The following CFAP47 variants were observed in gnomAD, a reference collection of about 807,000 sequenced individuals.
CFAP47 encodes cilia and flagella associated protein 47.
Under a neutral mutation model 148.1 loss-of-function variants are expected in CFAP47, and 29 were observed. The observed-to-expected ratio is 0.20, with a 90% CI of 0.15 to 0.27. The LOEUF (loss-of-function observed/expected upper bound fraction) is 0.27, where lower values mean the gene tolerates loss of function less well. Among genes scored for constraint, CFAP47 ranks in the 10% least tolerant of loss-of-function variants. The probability of loss-of-function intolerance (pLI) is 1.00; values close to 1 mark genes in which losing one functional copy is unlikely to be tolerated. For synonymous variants in CFAP47, 664 were observed against 577.3 expected, an observed-to-expected ratio of 1.15 and a Z score of -2.15; for missense variants, 1,872 against 1,697.5, an observed-to-expected ratio of 1.10 and a Z score of -1.81.
At chrX:36,061,503 G>A (rs1324039339) in intron 26 of CFAP47, among the ~76,000 whole-genome samples, 1 of 111,763 alleles carries the variant, frequency 8.9e-6, no homozygotes, top group Non-Finnish European at 1.9e-5. Flanking sequence ...AGAGCACCAG[G>A]ATTAAAATTC....
intron 14 of CFAP47, 114 bp from the exon 15 acceptor site, chrX:35,975,558 C>T (rs779867582): frequency 1.0e-5 from 8 of 779,678 alleles, no homozygotes; most frequent in South Asian, 7.8e-5. Flanking sequence ...TAAAGTATTA[C>T]GTGCTAAGAA....
chrX:36,022,848 G>T (rs1488064071), intron 22 of CFAP47, among the ~76,000 whole-genome samples: 1 of 111,255 alleles, frequency 9.0e-6, no homozygotes, highest in African/African-American at 3.3e-5. Context: ...CTTATCTATA[G>T]AATTGTGAAT....
intron 35 of CFAP47, among the ~76,000 whole-genome samples, chrX:36,138,806 ATTATC>A (rs200998678): frequency 0.097 from 10,719 of 110,906 alleles, 1,027 homozygotes; most frequent in African/African-American, 0.29. Flanking sequence ...ATGTCATATT[ATTATC>A]TTCTAATTTA....
At chrX:36,146,463 A>C (rs1432718569) in intron 36 of CFAP47, among the ~76,000 whole-genome samples, 1 of 112,081 alleles carries the variant, frequency 8.9e-6, no homozygotes, top group African/African-American at 3.2e-5. Flanking sequence ...CTCATACCTA[A>C]GATTATAGAT....
Position 35,948,416 on chromosome X carries a change from G to T in CFAP47, c.620G>T (p.Cys207Phe). ...KSSMVIKVDF[C>F]ADQPRIVDEE... ...TCAATGGTTATTAAAGTAGATTTCT[G>T]TGCAGACCAGCCAAGAATTGTAGAT... Residue 207 changes from cysteine to phenylalanine, a missense_variant, in exon 4 of 64, where the codon TGT (cysteine) becomes TTT (phenylalanine). By Grantham distance (205) the Cys-to-Phe change is radical (BLOSUM62 -2). Transcript: ENST00000378653. 8.3e-7 allele frequency: 1 copy of T among 1,204,203 alleles called. No individual in the cohort carries two copies. Among genetic ancestry groups the T allele is most frequent in the Non-Finnish European group, 1.1e-6 (1 of 889,175 alleles).
intron 48 of CFAP47, among the ~76,000 whole-genome samples, chrX:36,250,139 A>G (rs1369862105): frequency 9.0e-6 from 1 of 111,665 alleles, no homozygotes; most frequent in African/African-American, 3.2e-5. Context: ...AGCATTATTC[A>G]CAATAGCCAA....
chrX:36,345,365 C>CA (rs1188775223), intron 57 of CFAP47, among the ~76,000 whole-genome samples: 4 of 111,232 alleles, frequency 3.6e-5, no homozygotes, highest in African/African-American at 1.3e-4. Context: ...TGTTCTGCCT[C>CA]AGATCATCAG....
chrX:36,091,595 G>A (rs917063897), intron 30 of CFAP47, among the ~76,000 whole-genome samples: 1 of 111,289 alleles, frequency 9.0e-6, no homozygotes, highest in Non-Finnish European at 1.9e-5. Flanking sequence ...GACAGGAATT[G>A]TGTGAAAATC....
At chrX:36,127,531 G>A (rs940359640) in intron 33 of CFAP47, among the ~76,000 whole-genome samples, 16 of 111,543 alleles carry the variant, frequency 1.4e-4, no homozygotes, top group Non-Finnish European at 3.0e-4. Context: ...GTAACGTGAT[G>A]CCTCTAGCTT....
chrX:36,330,558 C>T (rs1454092276), intron 57 of CFAP47, among the ~76,000 whole-genome samples: 1 of 111,803 alleles, frequency 8.9e-6, no homozygotes, highest in Non-Finnish European at 1.9e-5. Context: ...GGGAAATATA[C>T]TCTGCCTACC....
At chrX:36,323,845 A>G (rs782345004) in intron 57 of CFAP47, among the ~76,000 whole-genome samples, 1 of 111,804 alleles carries the variant, frequency 8.9e-6, no homozygotes, top group Non-Finnish European at 1.9e-5. Flanking sequence ...CACTGAAACT[A>G]TATTTTTCCC....
At chrX:36,241,491 G>A (rs1487896576) in intron 48 of CFAP47, among the ~76,000 whole-genome samples, 2 of 111,914 alleles carry the variant, frequency 1.8e-5, no homozygotes, top group Non-Finnish European at 3.8e-5. Context: ...CCCCACAGAA[G>A]TGTGTGCACA....
intron 37 of CFAP47, among the ~76,000 whole-genome samples, chrX:36,152,191 G>C (rs1275260454): frequency 3.6e-5 from 4 of 110,149 alleles, no homozygotes; most frequent in Non-Finnish European, 7.6e-5. Context: ...ATGATGTTTT[G>C]GTATACATAT....
chrX:36,019,415 G>T (rs1201004278), intron 22 of CFAP47, among the ~76,000 whole-genome samples: 1 of 111,671 alleles, frequency 9.0e-6, no homozygotes, highest in Admixed American at 9.5e-5. Flanking sequence ...AAGCACCTGT[G>T]GTAGGACAAA....
chrX:35,952,651 T>G (rs971242066), intron 6 of CFAP47, among the ~76,000 whole-genome samples: 1 of 111,883 alleles, frequency 8.9e-6, no homozygotes, highest in Non-Finnish European at 1.9e-5. Context: ...GGGTTGCCTG[T>G]TGAAGATTGA....
At chrX:35,949,417 A>C (rs1366203483) in intron 4 of CFAP47, among the ~76,000 whole-genome samples, 2 of 111,187 alleles carry the variant, frequency 1.8e-5, no homozygotes, top group Non-Finnish European at 3.8e-5. Flanking sequence ...AATTACAGTA[A>C]AGCAAGAGGA....
At chrX:35,922,358 C>T (rs1377001075) in intron 1 of CFAP47, among the ~76,000 whole-genome samples, 1 of 112,453 alleles carries the variant, frequency 8.9e-6, no homozygotes, top group Admixed American at 9.4e-5. Context: ...TGTCCCTATG[C>T]CTCTTGTTAA....
intron 45 of CFAP47, among the ~76,000 whole-genome samples, chrX:36,213,023 G>T (rs782366493): frequency 9.0e-6 from 1 of 111,265 alleles, no homozygotes; most frequent in Non-Finnish European, 1.9e-5. Context: ...TGAAACACGA[G>T]AATTTCTTGA....
At chrX:35,943,200 T>C (rs942726147) in intron 3 of CFAP47, among the ~76,000 whole-genome samples, 1 of 111,887 alleles carries the variant, frequency 8.9e-6, no homozygotes, top group Non-Finnish European at 1.9e-5. Context: ...AGAAAAACAT[T>C]CTGAAAATAG....
Sources: allele counts gnomAD v4.1 joint callset (sites outside exome capture counted in the v4.1 genomes callset), GRCh38; gene constraint gnomAD v4.1.1; transcripts MANE v1.5; gene names NCBI Gene and HGNC (gene_info 2026-07-23, HGNC 2026-07-21).